TMA16: variants seen among roughly 807,000 people sequenced by gnomAD.
TMA16 encodes translation machinery associated 16 homolog, also known as translation machinery-associated protein 16.
In TMA16, 26 loss-of-function variants were observed where a neutral mutation model predicts 27.1. That is an observed-to-expected ratio of 0.96 (90% CI 0.70 to 1.33). The LOEUF is 1.33. TMA16 is among the 40% of genes most tolerant of loss of function. The probability of loss-of-function intolerance (pLI) is 0.00; values close to 1 mark genes in which losing one functional copy is unlikely to be tolerated. For synonymous variants in TMA16, 71 were observed against 81.9 expected, an observed-to-expected ratio of 0.87 and a Z score of 0.72; for missense variants, 233 against 241.4, an observed-to-expected ratio of 0.97 and a Z score of 0.23.
At position 163,520,017 on chromosome 4, in the gene TMA16, T is replaced by A; in HGVS notation, c.*503T>A. ...AATGTGATAAGAAGTTTGTATACATTTCTGGATTATAGATTATTATTTATC... is the reference window on the plus strand; with the variant it reads ...AATGTGATAAGAAGTTTGTATACATATCTGGATTATAGATTATTATTTATC... On this transcript the variant is annotated 3_prime_UTR_variant, in exon 7 of 7. Transcript: ENST00000358572. 1.6e-6 allele frequency: 1 copy of A among 610,354 alleles called. No homozygotes were observed. The highest frequency in any genetic ancestry group is 3.0e-6 in the Non-Finnish European group (1 of 333,324). The allele number at this position is 610,354 out of a possible 1,614,324, so 37.8% of individuals were successfully genotyped here. A position where few individuals can be genotyped will look rare whatever the true frequency, so the allele number is the denominator to read the frequency against.
chr4:163,513,529 A>G (rs1000249388), intron 3 of TMA16, among the ~76,000 whole-genome samples: 8 of 152,132 alleles, frequency 5.3e-5, no homozygotes, highest in African/African-American at 1.9e-4. Context: ...GGTAATATAT[A>G]TCAATTACTC....
chr4:163,519,446 G>T lies in TMA16; in HGVS notation c.544G>T (p.Asp182Tyr), dbSNP rs531810042. Residue 182 changes from aspartate (D) to tyrosine (Y), a missense_variant, in exon 7 of 7, where the codon GAT becomes TAT. By Grantham distance (160) the Asp-to-Tyr change is radical. Transcript: ENST00000358572. ...KRKTIITVDQ[D>Y]LGELELNDES... ...GAAAACTATTATAACTGTAGACCAAGATTTGGGGGAATTGGAACTAAACGA... is the reference window on the plus strand; with the variant it reads ...GAAAACTATTATAACTGTAGACCAATATTTGGGGGAATTGGAACTAAACGA... The T allele has an allele frequency of 6.2e-7, 1 of 1,606,248 alleles. No individual in the cohort carries two copies. Among genetic ancestry groups the T allele is most frequent in the South Asian group, 1.1e-5 (1 of 89,356 alleles).
rs111463710 is a variant in TMA16 at position 163,495,102 on chromosome 4, T to A, written c.3+298T>A. The stretch of plus-strand genomic sequence containing the variant: ...TACTTCCTGGGGGAAACCCGGCACC[T>A]TTCCATTGTAACGCATCGAGGAGTT... On this transcript the variant is annotated intron_variant, in intron 1 of 6. Coordinates refer to ENST00000358572, the MANE Select transcript of TMA16 (RefSeq NM_018352.3). Among the ~76,000 whole-genome samples, 1,298 of 152,236 alleles carry A rather than the reference T, an allele frequency of 8.5e-3. 25 individuals carry two copies. The highest frequency in any genetic ancestry group is 0.029 in the African/African-American group (1,209 of 41,552).
At chr4:163,495,382 G>T (rs1351313541) in intron 1 of TMA16, among the ~76,000 whole-genome samples, 1 of 152,116 alleles carries the variant, frequency 6.6e-6, no homozygotes, top group African/African-American at 2.4e-5. Flanking sequence ...AGGAATTCTC[G>T]TTTACCCATT....
In TMA16 at chr4:163,513,335, T is replaced by C. The variant is rs571609572; in HGVS notation, c.154+476T>C. 1.3e-3 allele frequency among the ~76,000 whole-genome samples: 200 copies of C among 152,328 alleles called. 1 individual carries two copies. Among genetic ancestry groups the C allele is most frequent in the South Asian group, 4.1e-3 (20 of 4,826 alleles). ...TTTAAATACTGACTGTTAGGCTCTT[T>C]TATTAAAATTAAAGGTATTTGAACT... On this transcript the variant is annotated intron_variant, in intron 3 of 6. Transcript: ENST00000358572.
intron 1 of TMA16, 124 bp downstream of exon 1, chr4:163,494,928 T>G (rs1443485374): frequency 1.4e-6 from 2 of 1,418,672 alleles, no homozygotes; most frequent in Non-Finnish European, 1.9e-6. Context: ...AGTGTTTATT[T>G]TCAGGGAGTG....
At chr4:163,504,944 C>T (rs566013905) in intron 1 of TMA16, among the ~76,000 whole-genome samples, 6 of 152,240 alleles carry the variant, frequency 3.9e-5, no homozygotes, top group African/African-American at 1.4e-4. Context: ...GTCATGTGGC[C>T]CCTCCATATG....
At position 163,494,696 on chromosome 4, in the gene TMA16, C is replaced by G. The variant is rs1046080120; in HGVS notation, c.-106C>G. The G allele has an allele frequency of 6.6e-7, 1 of 1,519,202 alleles. No individual in the cohort carries two copies. The highest frequency in any genetic ancestry group is 1.4e-5 in the African/African-American group (1 of 72,906). The allele number at this position is 1,519,202 out of a possible 1,614,324, so 94.1% of individuals were successfully genotyped here. On this transcript the variant is annotated 5_prime_UTR_variant, in exon 1 of 7. Transcript: ENST00000358572. The stretch of plus-strand genomic sequence containing the variant: ...GGGTCGGCGCGGGCTTCTCAGGCGC[C>G]ACGTGGGATTCGGCCCGGGTGCTCT...
At chr4:163,506,883 G>A (rs1441041414) in intron 1 of TMA16, 150 bp from the exon 2 acceptor site, 1 of 605,544 alleles carries the variant, frequency 1.7e-6, no homozygotes, top group Non-Finnish European at 2.9e-6. Context: ...TAATGATCCT[G>A]GCTTATCTCC....
chr4:163,495,271 G>A (rs1003041277), intron 1 of TMA16, among the ~76,000 whole-genome samples: 1 of 152,130 alleles, frequency 6.6e-6, no homozygotes, highest in Admixed American at 6.5e-5. Context: ...GCCCCCATTC[G>A]CTCCAGGGCA....
intron 6 of TMA16, among the ~76,000 whole-genome samples, chr4:163,517,745 A>G (rs774296938): frequency 1.3e-5 from 2 of 152,140 alleles, no homozygotes; most frequent in Non-Finnish European, 2.9e-5. Flanking sequence ...TGATCTCACT[A>G]TTCCTCCCCA....
chr4:163,518,135 C>T (rs1737912386), intron 6 of TMA16, among the ~76,000 whole-genome samples: 2 of 152,200 alleles, frequency 1.3e-5, no homozygotes, highest in African/African-American at 4.8e-5. Flanking sequence ...TTACCCCTTT[C>T]CTTCCCCCAA....
chr4:163,502,707 T>C (rs930530150), intron 1 of TMA16, among the ~76,000 whole-genome samples: 4 of 152,168 alleles, frequency 2.6e-5, no homozygotes, highest in Admixed American at 2.0e-4. Context: ...ATTAATTATT[T>C]GTCATTGACA....
chr4:163,497,094 A>G (rs1737564270), intron 1 of TMA16, among the ~76,000 whole-genome samples: 4 of 152,338 alleles, frequency 2.6e-5, no homozygotes, highest in Middle Eastern at 3.4e-3. Context: ...AAAGTGTGCC[A>G]TCATCCTCCG....
At chr4:163,512,975 C>CAAAGTTT in intron 3 of TMA16, 116 bp downstream of exon 3, 1 of 698,586 alleles carries the variant, frequency 1.4e-6, no homozygotes, top group South Asian at 2.6e-5. Flanking sequence ...TGAATTTGAT[C>CAAAGTTT]AGACTTGATC....
At chr4:163,508,950 T>A (rs1165175732) in intron 2 of TMA16, among the ~76,000 whole-genome samples, 1 of 152,020 alleles carries the variant, frequency 6.6e-6, no homozygotes, top group Non-Finnish European at 1.5e-5. Context: ...TGGCCAAGAC[T>A]TTTATTTTAG....
intron 1 of TMA16, among the ~76,000 whole-genome samples, chr4:163,499,823 C>T (rs1168712420): frequency 6.6e-6 from 1 of 152,114 alleles, no homozygotes; most frequent in Non-Finnish European, 1.5e-5. Flanking sequence ...GGAGGGCCAA[C>T]TGAATTTATT....
chr4:163,496,305 A>G (rs1737552160), intron 1 of TMA16, among the ~76,000 whole-genome samples: 1 of 152,226 alleles, frequency 6.6e-6, no homozygotes, highest in African/African-American at 2.4e-5. Context: ...TACCTACCTC[A>G]TAGAATTGTG....
intron 2 of TMA16, among the ~76,000 whole-genome samples, chr4:163,511,454 C>G (rs142333138): frequency 4.5e-4 from 68 of 152,086 alleles, no homozygotes; most frequent in Non-Finnish European, 5.6e-4. Flanking sequence ...ATTCTAGATA[C>G]AAGTCCTTTG....
Sources: gnomAD v4.1 joint callset for allele counts (sites outside exome capture counted in the v4.1 genomes callset) on GRCh38, gnomAD v4.1.1 for gene constraint, MANE v1.5 for transcripts, NCBI Gene and HGNC (gene_info 2026-07-23, HGNC 2026-07-21) for gene names.